Variants in CCDC171 observed in about 807,000 individuals in gnomAD.
CCDC171 encodes coiled-coil domain-containing protein 171.
In CCDC171, 177 loss-of-function variants were observed where a neutral mutation model predicts 168.2. That is an observed-to-expected ratio of 1.05 (90% CI 0.93 to 1.19). The LOEUF (loss-of-function observed/expected upper bound fraction) is 1.19. CCDC171 is among the 50% of genes most tolerant of loss of function. The pLI is 0.00. For missense variants in CCDC171, 1,991 were observed against 1,539.0 expected (o/e 1.29, Z -4.91); for synonymous variants, 687 against 540.8 (o/e 1.27, Z -3.75).
At chr9:15,968,521 C>G (rs1488977021) in intron 25 of CCDC171, among the ~76,000 whole-genome samples, 2 of 148,166 alleles carry the variant, frequency 1.3e-5, no homozygotes, top group Non-Finnish European at 3.0e-5. Context: ...CAAAGTTTCA[C>G]CAGAATTGTT....
At chr9:15,908,131 T>C (rs563261759) in intron 24 of CCDC171, among the ~76,000 whole-genome samples, 9 of 151,680 alleles carry the variant, frequency 5.9e-5, no homozygotes, top group African/African-American at 1.2e-4. Flanking sequence ...GAAATACCAT[T>C]TGACCCAGCC....
intron 3 of CCDC171, among the ~76,000 whole-genome samples, chr9:15,979,475 T>G (rs1290812461): frequency 1.3e-5 from 2 of 152,164 alleles, no homozygotes; most frequent in African/African-American, 4.8e-5. Flanking sequence ...ATTTTTAGTT[T>G]TGTTGGCTGT....
At chr9:15,833,244 G>C (rs1036297624) in intron 21 of CCDC171, among the ~76,000 whole-genome samples, 9 of 151,880 alleles carry the variant, frequency 5.9e-5, no homozygotes, top group African/African-American at 1.7e-4. Context: ...TGCCCACCTC[G>C]GCCTCCCAAA....
intron 9 of CCDC171, among the ~76,000 whole-genome samples, chr9:15,677,416 C>T (rs1587906723): frequency 6.6e-6 from 1 of 151,984 alleles, no homozygotes; most frequent in Admixed American, 6.6e-5. Flanking sequence ...GTTGATTGCT[C>T]AGAGTAAGGT....
At chr9:16,030,961 C>T (rs796831693) in intron 6 of CCDC171, among the ~76,000 whole-genome samples, 5 of 152,238 alleles carry the variant, frequency 3.3e-5, no homozygotes, top group African/African-American at 1.2e-4. Context: ...TGTGATTCAG[C>T]GTTCAGGGGC....
intron 10 of CCDC171, among the ~76,000 whole-genome samples, chr9:15,690,940 A>T (rs2050734898): frequency 6.6e-6 from 1 of 152,174 alleles, no homozygotes; most frequent in Admixed American, 6.5e-5. Flanking sequence ...TAAGTTGATA[A>T]TGCCTACTAT....
At chr9:15,894,885 A>T (rs1327113085) in intron 24 of CCDC171, among the ~76,000 whole-genome samples, 1 of 152,176 alleles carries the variant, frequency 6.6e-6, no homozygotes, top group Non-Finnish European at 1.5e-5. Context: ...AAAATGTAAG[A>T]TCCAACAGGG....
At chr9:15,989,251 A>C (rs564523954) in intron 3 of CCDC171, among the ~76,000 whole-genome samples, 3 of 152,076 alleles carry the variant, frequency 2.0e-5, no homozygotes, top group Non-Finnish European at 4.4e-5. Flanking sequence ...ACAATCAGGC[A>C]GCAACATTTA....
Position 15,613,636 on chromosome 9 carries a change from C to T in CCDC171, c.676-9631C>T, listed in dbSNP as rs183648821. Among the ~76,000 whole-genome samples, 108 of 151,800 alleles carry T rather than the reference C, an allele frequency of 7.1e-4. 1 individual carries two copies. The highest frequency in any genetic ancestry group is 1.4e-3 in the Admixed American group (22 of 15,258). On this transcript the variant is annotated intron_variant, in intron 6 of 25. Transcript: ENST00000380701. ...CTTCTGGGTTCAAGCGGTTCTCCTG[C>T]CTCAGCCTCCCAAGTAGCTGGGATT...
At chr9:16,045,705 T>C (rs376871411) in intron 1 of CCDC171, among the ~76,000 whole-genome samples, 90 of 152,266 alleles carry the variant, frequency 5.9e-4, no homozygotes, top group African/African-American at 1.9e-3. Flanking sequence ...GAGGAGTGAA[T>C]AGAACTGCCT....
chr9:15,889,391 TCAAA>T (rs1398402107), intron 24 of CCDC171, among the ~76,000 whole-genome samples: 1 of 152,186 alleles, frequency 6.6e-6, no homozygotes, highest in Admixed American at 6.5e-5. Context: ...GTCAATGCAA[TCAAA>T]CAAAGGTTTT....
chr9:15,839,034 C>A (rs1267874213), intron 21 of CCDC171, among the ~76,000 whole-genome samples: 1 of 152,026 alleles, frequency 6.6e-6, no homozygotes, highest in African/African-American at 2.4e-5. Context: ...AAGCAACAGC[C>A]CAATGTGTCT....
chr9:15,653,703 A>G (rs562386577), intron 7 of CCDC171, among the ~76,000 whole-genome samples: 44 of 152,318 alleles, frequency 2.9e-4, no homozygotes, highest in Non-Finnish European at 5.4e-4. Flanking sequence ...TAGACATTAT[A>G]TAGTTTCATC....
intron 21 of CCDC171, among the ~76,000 whole-genome samples, chr9:15,835,366 G>C (rs1173318626): frequency 6.6e-6 from 1 of 152,162 alleles, no homozygotes; most frequent in African/African-American, 2.4e-5. Flanking sequence ...TTACTATTAT[G>C]ATATCCTGTG....
At chr9:15,717,206 T>G (rs1434979361) in intron 11 of CCDC171, among the ~76,000 whole-genome samples, 1 of 152,086 alleles carries the variant, frequency 6.6e-6, no homozygotes, top group Non-Finnish European at 1.5e-5. Context: ...ATTGTGGGAC[T>G]TTGCATTGAA....
chr9:15,777,867 T>A (rs72706698), intron 19 of CCDC171, 41 bp downstream of exon 19: 27,565 of 1,315,640 alleles, frequency 0.021, 406 homozygotes, highest in Non-Finnish European at 0.024. Context: ...TAAGAACTTG[T>A]AGGTTTAATT....
intron 20 of CCDC171, among the ~76,000 whole-genome samples, chr9:15,781,228 G>A (rs556258019): frequency 4.6e-5 from 7 of 152,266 alleles, no homozygotes; most frequent in Admixed American, 4.6e-4. Flanking sequence ...GATTAGTTTA[G>A]AAGTAGTCAG....
At chr9:15,774,647 C>G (rs2057208973) in intron 18 of CCDC171, among the ~76,000 whole-genome samples, 1 of 152,228 alleles carries the variant, frequency 6.6e-6, no homozygotes, top group African/African-American at 2.4e-5. Context: ...AAAAAAGATA[C>G]TTGCACACGC....
chr9:16,100,001 G>GT, the CCDC171 span, among the ~76,000 whole-genome samples: 2 of 123,860 alleles, frequency 1.6e-5, no homozygotes, highest in African/African-American at 6.8e-5. Flanking sequence ...TAGCTTTCAA[G>GT]TTAAAAAAAA....
Sources: gnomAD v4.1 joint callset for allele counts (sites outside exome capture counted in the v4.1 genomes callset) on GRCh38, gnomAD v4.1.1 for gene constraint, MANE v1.5 for transcripts, NCBI Gene and HGNC (gene_info 2026-07-23, HGNC 2026-07-21) for gene names.